TRMT44: variants seen among roughly 807,000 people sequenced by gnomAD.
TRMT44 encodes the protein probable tRNA (uracil-O(2)-)-methyltransferase.
In TRMT44, 78 loss-of-function variants were observed where a neutral mutation model predicts 77.3. That is an observed-to-expected ratio of 1.01 (90% CI 0.84 to 1.22). The LOEUF is 1.22. Among genes scored for constraint, TRMT44 ranks in the 50% most tolerant of loss-of-function variants. TRMT44 has a pLI of 0.00. For synonymous variants in TRMT44, 391 were observed against 383.3 expected, an observed-to-expected ratio of 1.02 and a Z score of -0.23; for missense variants, 1,090 against 964.4, an observed-to-expected ratio of 1.13 and a Z score of -1.73.
intron 5 of TRMT44, among the ~76,000 whole-genome samples, 179 bp downstream of exon 5, chr4:8,453,168 A>T (rs770892491): frequency 1.7e-4 from 26 of 152,220 alleles, no homozygotes; most frequent in Non-Finnish European, 3.7e-4. Flanking sequence ...CTCCTAAAAC[A>T]AGGGAAACGT....
At chr4:8,449,960 T>TTC in intron 3 of TRMT44, 72 bp downstream of exon 3, 7 of 778,798 alleles carry the variant, frequency 9.0e-6, no homozygotes, top group Non-Finnish European at 1.3e-5. Flanking sequence ...TTTTTTTTTT[T>TTC]TTTTTTTTTT....
chr4:8,504,326 G>A, the TRMT44 span, among the ~76,000 whole-genome samples: 2 of 152,100 alleles, frequency 1.3e-5, no homozygotes, highest in African/African-American at 2.4e-5. This position sits in a 1 kb window ranked among gnomAD's most constrained non-coding sequence, Gnocchi z 5.3. Flanking sequence ...CCCTCTGCCC[G>A]TGCCTGCTCC....
chr4:8,486,765 C>T (rs1727819676), intron 2 of TRMT44, among the ~76,000 whole-genome samples: 2 of 151,938 alleles, frequency 1.3e-5, no homozygotes, highest in South Asian at 4.2e-4. Context: ...AATTGCTGGG[C>T]AGATGGGGGA....
intron 2 of TRMT44, among the ~76,000 whole-genome samples, chr4:8,483,474 A>C (rs1193095785): frequency 1.3e-5 from 2 of 152,142 alleles, no homozygotes; most frequent in Admixed American, 1.3e-4. Flanking sequence ...GGGCCTAATA[A>C]AAAGGAGCGT....
chr4:8,460,433 A>C (rs1726071584), intron 6 of TRMT44, among the ~76,000 whole-genome samples: 1 of 152,242 alleles, frequency 6.6e-6, no homozygotes, highest in African/African-American at 2.4e-5. Context: ...TCTTTTCTCT[A>C]TCACTTACCC....
At chr4:8,494,453 T>G (rs2109240332), downstream of TRMT44, among the ~76,000 whole-genome samples, 1 of 152,300 alleles carries the variant, frequency 6.6e-6, no homozygotes, top group Middle Eastern at 3.4e-3. Context: ...GAAATGCAGG[T>G]TCACTGAGCC....
chr4:8,494,710 G>A (rs949615917), downstream of TRMT44, among the ~76,000 whole-genome samples: 1 of 152,140 alleles, frequency 6.6e-6, no homozygotes, highest in African/African-American at 2.4e-5. Context: ...TTATGGGTGT[G>A]TCCTTAACCT....
intron 3 of TRMT44, 61 bp downstream of exon 3, chr4:8,449,949 C>CTTTTTTTTTTTTTTTTTTTTTTTTTTTTT (rs745915221): frequency 1.2e-4 from 29 of 239,160 alleles, no homozygotes; most frequent in South Asian, 2.4e-4. Context: ...CTTTTCTTTT[C>CTTTTTTTTTTTTTTTTTTTTTTTTTTTTT]TTTTTTTTTT....
At chr4:8,490,946 G>T (rs890652753) in intron 2 of TRMT44, among the ~76,000 whole-genome samples, 3 of 152,116 alleles carry the variant, frequency 2.0e-5, no homozygotes, top group African/African-American at 7.2e-5. Flanking sequence ...CGACACAAAG[G>T]TTCTCCGAGG....
chr4:8,490,868 G>A (rs990154223), intron 2 of TRMT44, among the ~76,000 whole-genome samples: 32 of 152,154 alleles, frequency 2.1e-4, no homozygotes, highest in Admixed American at 1.4e-3. Flanking sequence ...TGATTGGTGC[G>A]TTTACAATCC....
At chr4:8,459,193 ACT>A (rs1726000360) in intron 6 of TRMT44, among the ~76,000 whole-genome samples, 1 of 152,064 alleles carries the variant, frequency 6.6e-6, no homozygotes, top group African/African-American at 2.4e-5. Context: ...CGCAAGTGAG[ACT>A]CTGTCTCCAA....
At position 8,441,308 on chromosome 4, in the gene TRMT44, C is replaced by T. The variant is rs771590992; in HGVS notation, c.486C>T (p.Ala162=). The T allele has an allele frequency of 1.3e-6, 2 of 1,535,580 alleles. No individual in the cohort carries two copies. Among genetic ancestry groups the T allele is most frequent in the South Asian group, 1.2e-5 (1 of 83,816 alleles). The change falls in exon 1 of 11, where the codon GCC becomes GCT. Residue 162 remains alanine (A), a synonymous_variant. Transcript: ENST00000389737. Reference sequence around the variant, plus strand: ...CCCGTGGCAATTCGGAGTTGCTGGCCTTCCTCACCAGCTCCGGGGCGGGAT... The same window carrying T: ...CCCGTGGCAATTCGGAGTTGCTGGCTTTCCTCACCAGCTCCGGGGCGGGAT... ...SLARGNSELL[A]FLTSSGAGSQ...
chr4:8,464,121 G>A (rs1041396762), intron 7 of TRMT44, 30 bp downstream of exon 7: 3 of 1,580,878 alleles, frequency 1.9e-6, no homozygotes, highest in Non-Finnish European at 2.6e-6. Context: ...TCAGGTGAAT[G>A]GCTGGGGAAT....
rs754690892 is a variant in TRMT44 at position 8,471,154 on chromosome 4, T to G, written c.1998T>G (p.Cys666Trp). 7.5e-6 allele frequency: 12 copies of G among 1,609,868 alleles called. No individual in the cohort carries two copies. Among genetic ancestry groups the G allele is most frequent in the Non-Finnish European group, 9.3e-6 (11 of 1,177,976 alleles). ...TETLRRLKRE[C>W]GGLQTLLRNS... ...CCCTGCGGAGGCTGAAGCGGGAGTG[T>G]GGGGGCCTGCAGACGCTGCTCCGGA... Residue 666 changes from cysteine (C) to tryptophan (W), a missense_variant, in exon 10 of 11, where the codon TGT becomes TGG. By Grantham distance (215) the Cys-to-Trp change is radical. Coordinates refer to ENST00000389737, the MANE Select transcript of TRMT44 (RefSeq NM_152544.3).
At chr4:8,469,485 C>A (rs1396594012) in intron 9 of TRMT44, among the ~76,000 whole-genome samples, 1 of 152,222 alleles carries the variant, frequency 6.6e-6, no homozygotes, top group Non-Finnish European at 1.5e-5. Context: ...GTGCAGTAAA[C>A]AGTGACAGTT....
chr4:8,475,327 C>G (rs1468948863), intron 10 of TRMT44, among the ~76,000 whole-genome samples: 1 of 152,222 alleles, frequency 6.6e-6, no homozygotes, highest in South Asian at 2.1e-4. Flanking sequence ...AGTGATCCTT[C>G]TAAAATGGTG....
chr4:8,447,945 T>A (rs1725169120), intron 2 of TRMT44, among the ~76,000 whole-genome samples: 1 of 152,176 alleles, frequency 6.6e-6, no homozygotes, highest in Admixed American at 6.5e-5. Context: ...CAGGAGGTGC[T>A]TGGCATGTGC....
At chr4:8,478,312 G>A (rs889331663), downstream of TRMT44, 5 of 152,762 alleles carry the variant, frequency 3.3e-5, no homozygotes, top group African/African-American at 1.2e-4. Context: ...GGGGGCATGT[G>A]GGGTGGCCCT....
chr4:8,471,233 C>T (rs1726974111), intron 10 of TRMT44, 33 bp downstream of exon 10: 11 of 1,347,698 alleles, frequency 8.2e-6, no homozygotes, highest in Non-Finnish European at 1.1e-5. Flanking sequence ...GCCGTTCTTT[C>T]CTTCTTTTTC....
Sources: gnomAD v4.1 joint callset for allele counts (sites outside exome capture counted in the v4.1 genomes callset) on GRCh38, gnomAD v4.1.1 for gene constraint, Gnocchi (gnomAD v3.1) non-coding constraint, MANE v1.5 for transcripts, NCBI Gene and HGNC (gene_info 2026-07-23, HGNC 2026-07-21) for gene names.